Variants in CTSE observed in about 807,000 individuals in gnomAD.
CTSE encodes the protein erythrocyte membrane aspartic proteinase.
CTSE carries 43 observed loss-of-function variants against 42.8 expected under a neutral mutation model. The ratio of observed to expected loss-of-function variants is 1.01; its 90% CI spans 0.79 to 1.30. CTSE has a LOEUF of 1.30. CTSE is among the 50% of genes most tolerant of loss of function. The probability of loss-of-function intolerance (pLI) is 0.00; values close to 1 mark genes in which losing one functional copy is unlikely to be tolerated. For synonymous variants in CTSE, 205 were observed against 191.5 expected, an observed-to-expected ratio of 1.07 and a Z score of -0.58; for missense variants, 532 against 493.5, an observed-to-expected ratio of 1.08 and a Z score of -0.74.
rs1661022428 is a variant in CTSE, at chr1:206,009,508, A to G, written c.*675T>C. On this transcript the variant is annotated 3_prime_UTR_variant, in exon 9 of 9. Coordinates refer to ENST00000358184, the MANE Select transcript of CTSE (RefSeq NM_001910.4). ...ATGACACCTCGGGATTTCAACCAGC[A>G]ACGTTCAAATGTGCTAAACTCTGTA... 6.6e-6 allele frequency: 1 copy of G among 152,146 alleles called. No individual in the cohort carries two copies. Among genetic ancestry groups the G allele is most frequent in the South Asian group, 2.1e-4 (1 of 4,824 alleles). 9.4% of individuals were successfully genotyped at this position (152,146 alleles called of 1,614,324 possible).
At chr1:206,019,462 T>C (rs1285598788) in intron 4 of CTSE, among the ~76,000 whole-genome samples, 1 of 151,932 alleles carries the variant, frequency 6.6e-6, no homozygotes, top group African/African-American at 2.4e-5. Context: ...CACCTGGTCC[T>C]GGAGCCAGAA....
At position 206,021,200 on chromosome 1, in the gene CTSE, A is replaced by G. The variant is rs782111467; in HGVS notation, c.344-33T>C. On this transcript the variant is annotated intron_variant, in intron 3 of 8. Transcript: ENST00000358184. ...GAAGTGCACTGCTCTTGCTTATGCC[A>G]TCGGCTCACTGGCTGCATCCCTGCC... 2.6e-6 allele frequency: 4 copies of G among 1,523,358 alleles called. No homozygotes were observed. The Admixed American group carries it at 5.0e-5, about 19-fold the overall frequency. 94.4% of individuals were successfully genotyped at this position (1,523,358 alleles called of 1,614,324 possible).
At chr1:206,015,229 C>A (rs970455687) in intron 5 of CTSE, among the ~76,000 whole-genome samples, 1 of 152,008 alleles carries the variant, frequency 6.6e-6, no homozygotes, top group African/African-American at 2.4e-5. Context: ...AAATCCAGAC[C>A]TTTCATTTTA....
At chr1:206,011,490 C>T (rs1661098319) in intron 8 of CTSE, among the ~76,000 whole-genome samples, 1 of 152,014 alleles carries the variant, frequency 6.6e-6, no homozygotes, top group Non-Finnish European at 1.5e-5. Flanking sequence ...GTGGCAGCTC[C>T]ATAATCCCTA....
At position 206,016,011 on chromosome 1, in the gene CTSE, C is replaced by G; in HGVS notation, c.582G>C (p.Val194=). Residue 194 remains valine, a synonymous_variant, in exon 5 of 9, where the codon GTG becomes GTC. Transcript: ENST00000358184. Reference sequence around the variant, plus strand: ...TGTCAAATACTGGAGTCACTCCTCCCACAGCCAAGGAGGGGTATCCCAGGC... The same window carrying G: ...TGTCAAATACTGGAGTCACTCCTCCGACAGCCAAGGAGGGGTATCCCAGGC... ...ILGLGYPSLA[V]GGVTPVFDNM... is the part of the protein sequence containing the mutation. 1 of 1,613,880 alleles carries G rather than the reference C, an allele frequency of 6.2e-7. No homozygotes were observed. Among genetic ancestry groups the G allele is most frequent in the Non-Finnish European group, 8.5e-7 (1 of 1,179,856 alleles).
Position 206,009,931 on chromosome 1 carries a change from T to C in CTSE, c.*252A>G. Reference sequence around the variant, plus strand: ...TTTGATTTTCATAATCAAAAATCAATACAAAATATGAATGTATAACGTAAT... The same window carrying C: ...TTTGATTTTCATAATCAAAAATCAACACAAAATATGAATGTATAACGTAAT... On this transcript the variant is annotated 3_prime_UTR_variant, in exon 9 of 9. Transcript: ENST00000358184. 2.1e-6 allele frequency: 1 copy of C among 468,882 alleles called. No individual in the cohort carries two copies. Among genetic ancestry groups the C allele is most frequent in the Non-Finnish European group, 3.8e-6 (1 of 262,594 alleles). 29.0% of individuals were successfully genotyped at this position (468,882 alleles called of 1,614,324 possible).
In CTSE at chr1:206,023,817, C is replaced by T. The variant is rs940518306; in HGVS notation, c.-26G>A. 2 of 1,611,324 alleles carry T rather than the reference C, an allele frequency of 1.2e-6. No individual in the cohort carries two copies. The highest frequency in any genetic ancestry group is 1.7e-6 in the Non-Finnish European group (2 of 1,177,810). The stretch of plus-strand genomic sequence containing the variant: ...TGTGAGTCCGACCAGCAGCTTCTCC[C>T]TTGCCCCCTCCTTTCTTCTCTCCCC... On this transcript the variant is annotated 5_prime_UTR_variant, in exon 1 of 9. Transcript: ENST00000358184.
chr1:206,014,882 G>A (rs144847213), intron 5 of CTSE, among the ~76,000 whole-genome samples: 170 of 152,174 alleles, frequency 1.1e-3, no homozygotes, highest in South Asian at 4.1e-3. Context: ...TCATGCTGGA[G>A]AGGAAACATA....
chr1:206,021,140 T>C lies in CTSE; in HGVS notation c.371A>G (p.Gln124Arg). The C allele has an allele frequency of 6.2e-7, 1 of 1,613,524 alleles. No individual in the cohort carries two copies. The highest frequency in any genetic ancestry group is 8.5e-7 in the Non-Finnish European group (1 of 1,179,480). Reference sequence around the variant, plus strand: ...ACCTGGCTGGCTGTATGTGCTGGACTGGGAAGGCTGGAACCTGCTGTGCGT... The same window carrying C: ...ACCTGGCTGGCTGTATGTGCTGGACCGGGAAGGCTGGAACCTGCTGTGCGT... ...CKTHSRFQPS[Q>R]SSTYSQPGQS... is the part of the protein sequence containing the mutation. The change falls in exon 4 of 9, where the codon CAG (glutamine) becomes CGG (arginine). Residue 124 changes from glutamine (Q) to arginine (R), a missense_variant. Coordinates refer to ENST00000358184, the MANE Select transcript of CTSE (RefSeq NM_001910.4).
chr1:206,012,721 C>G (rs28694519), intron 6 of CTSE, 72 bp from the exon 7 acceptor site: 306,185 of 1,549,098 alleles, frequency 0.2, 38,861 homozygotes, highest in African/African-American at 0.58. Flanking sequence ...TCTTTTTTGG[C>G]CTCTCAAATG....
chr1:206,023,016 C>G lies in CTSE; in HGVS notation c.110G>C (p.Arg37Pro), dbSNP rs367635645. ...GAACTCAGAGAGCTGGCTCCGTGCC[C>G]GCAGCTTCTTCTTGAGGGACGGATG... ...RRHPSLKKKL[R>P]ARSQLSEFWK... Residue 37 changes from arginine (R) to proline (P), a missense_variant, in exon 2 of 9, where the codon CGG becomes CCG. Physicochemically the swap from Arg to Pro is moderately radical, Grantham distance 103 (BLOSUM62 -2). Coordinates refer to ENST00000358184, the MANE Select transcript of CTSE (RefSeq NM_001910.4). 6.2e-7 allele frequency: 1 copy of G among 1,613,250 alleles called. No individual in the cohort carries two copies. Among genetic ancestry groups the G allele is most frequent in the Non-Finnish European group, 8.5e-7 (1 of 1,179,498 alleles).
chr1:206,021,842 C>T (rs1320435040), intron 3 of CTSE, among the ~76,000 whole-genome samples: 1 of 152,066 alleles, frequency 6.6e-6, no homozygotes, highest in Non-Finnish European at 1.5e-5. Context: ...CCCTACATTC[C>T]TTTGGGTGTT....
At chr1:206,023,654 C>T in intron 1 of CTSE, 70 bp downstream of exon 1, 3 of 1,482,362 alleles carry the variant, frequency 2.0e-6, no homozygotes, top group Non-Finnish European at 2.8e-6. Flanking sequence ...AGCTTTCCTA[C>T]CCCAGAGCAG....
At chr1:206,015,825 T>C (rs1054690620) in intron 5 of CTSE, 106 bp downstream of exon 5, 1 of 932,366 alleles carries the variant, frequency 1.1e-6, no homozygotes, top group South Asian at 1.6e-5. Flanking sequence ...CAGCTGGTAA[T>C]GGACCAAGCT....
intron 6 of CTSE, among the ~76,000 whole-genome samples, 182 bp from the exon 7 acceptor site, chr1:206,012,831 G>GCACA (rs557456587): frequency 6.6e-6 from 1 of 151,868 alleles, no homozygotes; most frequent in Non-Finnish European, 1.5e-5. Flanking sequence ...TTGACCCAGT[G>GCACA]CACACACACA....
intron 4 of CTSE, among the ~76,000 whole-genome samples, chr1:206,017,876 T>C (rs1464560882): frequency 6.6e-6 from 1 of 152,100 alleles, no homozygotes; most frequent in Admixed American, 6.5e-5. Context: ...GATTTTCTAC[T>C]TATGGAATCT....
intron 4 of CTSE, among the ~76,000 whole-genome samples, chr1:206,017,303 C>G (rs548016958): frequency 6.6e-6 from 1 of 151,960 alleles, no homozygotes; most frequent in Non-Finnish European, 1.5e-5. Context: ...AAATCCAAAA[C>G]TTTTTGAGTG....
chr1:206,020,320 AT>A (rs1553278195), intron 4 of CTSE, among the ~76,000 whole-genome samples: 1 of 151,890 alleles, frequency 6.6e-6, no homozygotes, highest in Non-Finnish European at 1.5e-5. Context: ...AGTTGATAAT[AT>A]GTCCTACTCC....
At chr1:206,016,587 C>T (rs944412574) in intron 4 of CTSE, among the ~76,000 whole-genome samples, 8 of 151,972 alleles carry the variant, frequency 5.3e-5, no homozygotes, top group Admixed American at 2.6e-4. Context: ...TTTCACATTG[C>T]GATCTGGAAC....
Sources: gnomAD v4.1 joint callset for allele counts (sites outside exome capture counted in the v4.1 genomes callset) on GRCh38, gnomAD v4.1.1 for gene constraint, MANE v1.5 for transcripts, NCBI Gene and HGNC (gene_info 2026-07-23, HGNC 2026-07-21) for gene names.